NEGR1: variants seen among roughly 807,000 people sequenced by gnomAD.
NEGR1 encodes neuronal growth regulator 1.
Under a neutral mutation model 40.9 loss-of-function variants are expected in NEGR1, and 10 were observed. The observed-to-expected ratio is 0.24, with a 90% confidence interval of 0.15 to 0.42. The LOEUF is 0.42. Ranked by LOEUF, NEGR1 falls within the 10% of genes least tolerant of loss-of-function variation. The pLI, the probability that NEGR1 is intolerant of heterozygous loss-of-function variation, is 1.00. For missense variants in NEGR1, 352 were observed against 438.9 expected, an observed-to-expected ratio of 0.80 and a Z score of 1.77; for synonymous variants, 185 against 166.8, an observed-to-expected ratio of 1.11 and a Z score of -0.84.
intron 1 of NEGR1, among the ~76,000 whole-genome samples, chr1:72,124,845 C>G (rs1649947860): frequency 6.6e-6 from 1 of 152,010 alleles, no homozygotes; most frequent in African/African-American, 2.4e-5. Context: ...GGTAAAATAA[C>G]TTCATTTGAA....
intron 4 of NEGR1, among the ~76,000 whole-genome samples, chr1:71,612,861 C>T (rs1462207778): frequency 1.3e-5 from 2 of 152,032 alleles, no homozygotes; most frequent in Non-Finnish European, 2.9e-5. Context: ...ATTGGTGTGG[C>T]CGACACAAAG....
At chr1:72,243,043 T>C (rs540381621) in intron 1 of NEGR1, among the ~76,000 whole-genome samples, 1 of 151,878 alleles carries the variant, frequency 6.6e-6, no homozygotes, top group African/African-American at 2.4e-5. Flanking sequence ...AAATCTGCTA[T>C]CATTTCTGTA....
chr1:71,770,081 TG>T (rs1443159412), intron 3 of NEGR1, among the ~76,000 whole-genome samples: 1 of 152,198 alleles, frequency 6.6e-6, no homozygotes, highest in Non-Finnish European at 1.5e-5. Flanking sequence ...AGTAAATTCC[TG>T]GTAGAAATGA....
At chr1:71,767,034 T>A (rs1259237555) in intron 3 of NEGR1, among the ~76,000 whole-genome samples, 1 of 152,192 alleles carries the variant, frequency 6.6e-6, no homozygotes, top group African/African-American at 2.4e-5. Context: ...TCTTTCTTTG[T>A]AAATTATGCA....
Position 72,282,352 on chromosome 1 carries a change from A to G in NEGR1, c.143T>C (p.Met48Thr). 1 of 1,614,038 alleles carries G rather than the reference A, an allele frequency of 6.2e-7. No individual in the cohort carries two copies. The highest frequency in any genetic ancestry group is 8.5e-7 in the Non-Finnish European group (1 of 1,180,016). Residue 48 changes from methionine (M) to threonine (T), a missense_variant, in exon 1 of 7, where the codon ATG becomes ACG. Met to Thr is a moderately conservative substitution (Grantham distance 81). Coordinates refer to ENST00000357731, the MANE Select transcript of NEGR1 (RefSeq NM_173808.3). The stretch of plus-strand genomic sequence containing the variant: ...CGCCGTGTCCCCTTTTCTGACCATC[A>G]TGTTGTCCACGGCCGCCCAGGGGAA... ...VDFPWAAVDN[M>T]MVRKGDTAVL...
chr1:72,144,082 T>C (rs1053414893), intron 1 of NEGR1, among the ~76,000 whole-genome samples: 1 of 150,590 alleles, frequency 6.6e-6, no homozygotes, highest in African/African-American at 2.4e-5. Flanking sequence ...AAGATTTTTT[T>C]TTTAAAAAAG....
At chr1:72,115,982 T>A (rs571773984) in intron 1 of NEGR1, among the ~76,000 whole-genome samples, 20 of 151,890 alleles carry the variant, frequency 1.3e-4, no homozygotes, top group African/African-American at 4.3e-4. Flanking sequence ...GGTGTACTTT[T>A]ATGTGTAGCC....
chr1:71,774,557 A>G (rs1315323511), intron 3 of NEGR1, among the ~76,000 whole-genome samples: 2 of 152,200 alleles, frequency 1.3e-5, no homozygotes, highest in Admixed American at 6.5e-5. Context: ...CTGAAGGGTA[A>G]TATTAAAGAA....
intron 6 of NEGR1, chr1:71,486,973 T>C (rs1646891796): frequency 6.6e-6 from 1 of 151,600 alleles, no homozygotes; most frequent in Non-Finnish European, 1.5e-5. Flanking sequence ...TACTTGATTG[T>C]CTGAAACAGC....
At chr1:71,917,421 G>C (rs183735484) in intron 2 of NEGR1, among the ~76,000 whole-genome samples, 1 of 152,016 alleles carries the variant, frequency 6.6e-6, no homozygotes, top group African/African-American at 2.4e-5. Flanking sequence ...GAATTTGAAG[G>C]GTTCAGAGAT....
At chr1:72,281,829 C>T (rs1423140739) in intron 1 of NEGR1, among the ~76,000 whole-genome samples, 1 of 151,900 alleles carries the variant, frequency 6.6e-6, no homozygotes, top group East Asian at 1.9e-4. Context: ...AGAAAGAAAA[C>T]AGAAAGCGGT....
At chr1:71,587,664 GCACACACACA>G (rs67250351) in intron 6 of NEGR1, among the ~76,000 whole-genome samples, 134,256 of 150,632 alleles carry the variant, frequency 0.89, 61,096 homozygotes, top group Non-Finnish European at 0.99. Flanking sequence ...ACACACACAT[GCACACACACA>G]CACACACACA....
At chr1:71,444,332 G>A (rs143156918) in intron 6 of NEGR1, among the ~76,000 whole-genome samples, 88 of 152,198 alleles carry the variant, frequency 5.8e-4, no homozygotes, top group African/African-American at 2.1e-3. Flanking sequence ...GAATGCAAAT[G>A]CACTTTTAGA....
chr1:71,916,108 C>A (rs1173991145), intron 2 of NEGR1, among the ~76,000 whole-genome samples: 1 of 152,104 alleles, frequency 6.6e-6, no homozygotes, highest in Non-Finnish European at 1.5e-5. Context: ...GATTGTTGCC[C>A]TGGGGGAAGC....
intron 2 of NEGR1, among the ~76,000 whole-genome samples, chr1:71,909,923 A>G (rs760433963): frequency 7.2e-5 from 11 of 152,344 alleles, no homozygotes; most frequent in Middle Eastern, 6.8e-3. Flanking sequence ...GACTCTATAA[A>G]TAGTATAGAG....
At chr1:71,928,537 C>CAT (rs891064187) in intron 2 of NEGR1, among the ~76,000 whole-genome samples, 7 of 131,400 alleles carry the variant, frequency 5.3e-5, no homozygotes, top group Non-Finnish European at 9.7e-5. Flanking sequence ...CATCTATACA[C>CAT]ATATATATAC....
chr1:71,950,452 C>T lies in NEGR1; in HGVS notation c.177-15141G>A, dbSNP rs562124533. 1.1e-4 allele frequency among the ~76,000 whole-genome samples: 17 copies of T among 152,064 alleles called. No homozygotes were observed. In the South Asian group the frequency reaches 3.5e-3, roughly 32 times the overall value. On this transcript the variant is annotated intron_variant, in intron 1 of 6. Transcript: ENST00000357731. Reference sequence around the variant, plus strand: ...CTAAAGTGTACTGCTCCCTAAAATTCTATTTTACTTGAAATATTTTCATCC... The same window carrying T: ...CTAAAGTGTACTGCTCCCTAAAATTTTATTTTACTTGAAATATTTTCATCC...
At chr1:72,179,116 C>T (rs903633070) in intron 1 of NEGR1, among the ~76,000 whole-genome samples, 1 of 151,970 alleles carries the variant, frequency 6.6e-6, no homozygotes, top group Non-Finnish European at 1.5e-5. Context: ...AGATTTTCTT[C>T]TAAGGTATTT....
intron 1 of NEGR1, among the ~76,000 whole-genome samples, chr1:72,059,858 T>C (rs1424718509): frequency 1.3e-5 from 2 of 151,618 alleles, no homozygotes; most frequent in African/African-American, 2.4e-5. Context: ...CTAGTAACTA[T>C]TACAAACATA....
Sources: gnomAD v4.1 joint callset for allele counts (sites outside exome capture counted in the v4.1 genomes callset) on GRCh38, gnomAD v4.1.1 for gene constraint, MANE v1.5 for transcripts, NCBI Gene and HGNC (gene_info 2026-07-23, HGNC 2026-07-21) for gene names.